The following TPTE2 variants were observed in gnomAD, a reference collection of about 807,000 sequenced individuals.
TPTE2 encodes the protein phosphatidylinositol 3,4,5-trisphosphate 3-phosphatase TPTE2.
Under a neutral mutation model 78.6 loss-of-function variants are expected in TPTE2, and 53 were observed. That is an observed-to-expected ratio of 0.67 (90% CI 0.54 to 0.85). TPTE2 has a LOEUF of 0.85. TPTE2 is among the 40% of genes least tolerant of loss of function. The probability of loss-of-function intolerance (pLI) is 0.00; values close to 1 mark genes in which losing one functional copy is unlikely to be tolerated. For missense variants in TPTE2, 461 were observed against 623.0 expected (o/e 0.74, Z 2.77); for synonymous variants, 175 against 206.2 (o/e 0.85, Z 1.30).
the TPTE2 span, chr13:19,560,986 G>T: frequency 1.9e-6 from 3 of 1,582,838 alleles, no homozygotes; most frequent in South Asian, 1.2e-5. Flanking sequence ...ATGACACACC[G>T]CAGTGGTAGC....
rs141160390 is a variant in TPTE2, at chr13:19,530,159, G to T, written c.-44+6437C>A. On this transcript the variant is annotated intron_variant, in intron 1 of 17. Transcript: ENST00000390680. ...AAGTACTTCACTATTGGAGTCTGCT[G>T]ATCTAGGGTTTAAGTGCTGGCTGCA... Among the ~76,000 whole-genome samples, 353 of 152,310 alleles carry T rather than the reference G, an allele frequency of 2.3e-3. 3 individuals are homozygous for T. Among genetic ancestry groups the T allele is most frequent in the African/African-American group, 8.2e-3 (339 of 41,556 alleles).
intron 1 of TPTE2, among the ~76,000 whole-genome samples, chr13:19,526,810 A>G (rs981989730): frequency 6.6e-6 from 1 of 152,208 alleles, no homozygotes; most frequent in African/African-American, 2.4e-5. Context: ...CTATTGGCAC[A>G]GTCATGAACC....
chr13:19,461,588 A>T (rs1361344618), intron 10 of TPTE2, among the ~76,000 whole-genome samples: 1 of 152,192 alleles, frequency 6.6e-6, no homozygotes. Context: ...TCCGGTGGTA[A>T]GAGTGGGGTG....
chr13:19,496,824 G>A (rs4553454), intron 1 of TPTE2, among the ~76,000 whole-genome samples: 111,320 of 152,124 alleles, frequency 0.73, 43,630 homozygotes, highest in East Asian at 0.96. Context: ...GAACAGCTCC[G>A]GTCTACAGCT....
At chr13:19,501,927 C>A (rs1411576690) in intron 1 of TPTE2, among the ~76,000 whole-genome samples, 1 of 150,994 alleles carries the variant, frequency 6.6e-6, no homozygotes, top group Non-Finnish European at 1.5e-5. Context: ...CCAGAATCTA[C>A]AATGAACTCA....
At chr13:19,477,964 A>G (rs1338218157) in intron 4 of TPTE2, among the ~76,000 whole-genome samples, 1 of 152,196 alleles carries the variant, frequency 6.6e-6, no homozygotes, top group Admixed American at 6.5e-5. Flanking sequence ...CCTAAAAACA[A>G]TTACTCAAAG....
intron 6 of TPTE2, among the ~76,000 whole-genome samples, chr13:19,473,054 A>G (rs1342351474): frequency 6.6e-6 from 1 of 152,004 alleles, no homozygotes; most frequent in African/African-American, 2.4e-5. Flanking sequence ...CTCCCAAACA[A>G]AGAGTCTCTC....
upstream of TPTE2, among the ~76,000 whole-genome samples, chr13:19,537,532 C>T (rs1871278530): frequency 6.8e-6 from 1 of 146,870 alleles, no homozygotes; most frequent in African/African-American, 2.5e-5. Context: ...TGTGCCCAGG[C>T]CACCTTCTAT....
chr13:19,453,921 G>A (rs2137537509), intron 10 of TPTE2, among the ~76,000 whole-genome samples: 1 of 152,228 alleles, frequency 6.6e-6, no homozygotes, highest in South Asian at 2.1e-4. Context: ...AGTAAAAAAT[G>A]CTGTCTCCTC....
chr13:19,490,844 C>T (rs1160452475), intron 3 of TPTE2, among the ~76,000 whole-genome samples: 1 of 152,206 alleles, frequency 6.6e-6, no homozygotes, highest in Non-Finnish European at 1.5e-5. Flanking sequence ...GTTACCTCCT[C>T]CTTGCACCAA....
chr13:19,495,697 G>A (rs1023340973), intron 1 of TPTE2, among the ~76,000 whole-genome samples: 2 of 152,108 alleles, frequency 1.3e-5, no homozygotes, highest in East Asian at 1.9e-4. Flanking sequence ...CCTTGATATC[G>A]CATGGTGCAT....
At chr13:19,505,223 C>A (rs891745834), upstream of TPTE2, among the ~76,000 whole-genome samples, 7 of 152,040 alleles carry the variant, frequency 4.6e-5, no homozygotes, top group African/African-American at 1.7e-4. Flanking sequence ...TCACTGCAAC[C>A]TCCACCTCCC....
rs1052433273 is a variant in TPTE2 at position 19,486,403 on chromosome 13, T to A, written c.120-3856A>T. ...CTCAGGGTAGGGGTGTGTGCAGGCATACACTGGGTCAGAAAACTTGGAGTA... is the reference window on the plus strand; with the variant it reads ...CTCAGGGTAGGGGTGTGTGCAGGCAAACACTGGGTCAGAAAACTTGGAGTA... On this transcript the variant is annotated intron_variant, in intron 3 of 19. Transcript: ENST00000400230. This position sits in a 1 kb window ranked among gnomAD's most constrained non-coding sequence, Gnocchi z 4.3. Among the ~76,000 whole-genome samples, 1 of 152,156 alleles carries A rather than the reference T, an allele frequency of 6.6e-6. No homozygotes were observed. The highest frequency in any genetic ancestry group is 2.4e-5 in the African/African-American group (1 of 41,436).
intron 1 of TPTE2, among the ~76,000 whole-genome samples, chr13:19,533,853 G>A (rs1318375008): frequency 6.6e-6 from 1 of 152,240 alleles, no homozygotes; most frequent in Non-Finnish European, 1.5e-5. Context: ...GACACACTCA[G>A]AGCGTTTCTC....
At chr13:19,506,915 A>C (rs1350742654), upstream of TPTE2, among the ~76,000 whole-genome samples, 2 of 152,252 alleles carry the variant, frequency 1.3e-5, no homozygotes, top group African/African-American at 4.8e-5. Flanking sequence ...TTTGGCTACT[A>C]GTCAACTCAG....
chr13:19,521,443 A>G (rs1870147674), intron 1 of TPTE2, among the ~76,000 whole-genome samples: 2 of 151,032 alleles, frequency 1.3e-5, no homozygotes, highest in Admixed American at 1.3e-4. Flanking sequence ...CTTTTTCTAT[A>G]CTTTTAATCT....
chr13:19,493,269 T>C (rs1448257047), intron 2 of TPTE2, among the ~76,000 whole-genome samples, 179 bp downstream of exon 5: 1 of 151,804 alleles, frequency 6.6e-6, no homozygotes, highest in Admixed American at 6.6e-5. Flanking sequence ...TGGTCTATGT[T>C]TCCATCATGT....
At chr13:19,432,650 T>C (rs1876751471) in intron 15 of TPTE2, 72 bp from the exon 19 acceptor site, 1 of 995,084 alleles carries the variant, frequency 1.0e-6, no homozygotes, top group South Asian at 1.5e-5. Context: ...TTTTTTTTTT[T>C]TTTTGCATAA....
chr13:19,451,374 A>C, intron 10 of TPTE2, 149 bp from the exon 14 acceptor site: 1 of 982,248 alleles, frequency 1.0e-6, no homozygotes, highest in Non-Finnish European at 1.5e-6. Flanking sequence ...GGGTATGCAA[A>C]CTTCAAGTTC....
Sources: allele counts gnomAD v4.1 joint callset (sites outside exome capture counted in the v4.1 genomes callset), GRCh38; gene constraint gnomAD v4.1.1; non-coding constraint Gnocchi (gnomAD v3.1); transcripts MANE v1.5; gene names NCBI Gene and HGNC (gene_info 2026-07-23, HGNC 2026-07-21).